Variants in CCDC7 observed in about 807,000 individuals in gnomAD.
CCDC7 encodes the protein coiled-coil domain containing 7.
Under a neutral mutation model 196.9 loss-of-function variants are expected in CCDC7, and 183 were observed. The ratio of observed to expected loss-of-function variants is 0.93; its 90% CI spans 0.82 to 1.05. CCDC7 has a LOEUF of 1.05. Ranked by LOEUF, CCDC7 falls within the 50% of genes least tolerant of loss-of-function variation. CCDC7 has a pLI of 0.00. For missense variants in CCDC7, 1,540 were observed against 1,482.2 expected, an observed-to-expected ratio of 1.04 and a Z score of -0.64; for synonymous variants, 525 against 484.6, an observed-to-expected ratio of 1.08 and a Z score of -1.10.
At chr10:32,622,040 A>C (rs1228519910) in intron 18 of CCDC7, among the ~76,000 whole-genome samples, 1 of 152,208 alleles carries the variant, frequency 6.6e-6, no homozygotes, top group Non-Finnish European at 1.5e-5. Flanking sequence ...CACAAATTCA[A>C]GTGTTCACTC....
At chr10:32,877,707 T>C (rs1054318644), downstream of CCDC7, among the ~76,000 whole-genome samples, 16 of 152,244 alleles carry the variant, frequency 1.1e-4, no homozygotes, top group Admixed American at 2.6e-4. Context: ...AGAATACTTA[T>C]TTGATTAAAT....
intron 21 of CCDC7, among the ~76,000 whole-genome samples, chr10:32,680,805 A>C (rs2075754566): frequency 6.6e-6 from 1 of 152,170 alleles, no homozygotes; most frequent in South Asian, 2.1e-4. Flanking sequence ...TACTTTTCTT[A>C]GCAGAGGTCC....
chr10:32,667,397 G>C (rs928402787), intron 21 of CCDC7, among the ~76,000 whole-genome samples: 4 of 152,062 alleles, frequency 2.6e-5, no homozygotes, highest in African/African-American at 9.7e-5. Context: ...GTCAATTTTG[G>C]CTTTTGTTGC....
In CCDC7 at chr10:32,674,484, A is replaced by T. The variant is rs118151164; in HGVS notation, c.2122+10323A>T. Among the ~76,000 whole-genome samples, 607 of 152,120 alleles carry T rather than the reference A, an allele frequency of 4.0e-3. 1 individual carries two copies. Among genetic ancestry groups the T allele is most frequent in the Non-Finnish European group, 6.7e-3 (454 of 67,946 alleles). On this transcript the variant is annotated intron_variant, in intron 21 of 41. Transcript: ENST00000639629. Reference sequence around the variant, plus strand: ...TGGTTTTAATTTTCTTAAATGTTTAAGACTTGTTTTGTGATATAGCATGTG... The same window carrying T: ...TGGTTTTAATTTTCTTAAATGTTTATGACTTGTTTTGTGATATAGCATGTG...
At chr10:32,869,814 TCGTTTCCC>T (rs2136751664) in intron 41 of CCDC7, among the ~76,000 whole-genome samples, 1 of 82,166 alleles carries the variant, frequency 1.2e-5, no homozygotes, top group Admixed American at 1.2e-4. Flanking sequence ...AAATAGGGAA[TCGTTTCCC>T]CATTTCCCAG....
chr10:32,845,275 G>A lies in CCDC7; in HGVS notation c.3385G>A (p.Gly1129Arg), dbSNP rs543326291. 24 of 1,575,178 alleles carry A rather than the reference G, an allele frequency of 1.5e-5. No individual in the cohort carries two copies. The African/African-American group carries it at 2.7e-4, about 18-fold the overall frequency. The stretch of plus-strand genomic sequence containing the variant: ...TAAGGAACACTTAGCAGATGATACT[G>A]GAAGAGGTATAATAAAGGGATCAAT... Residue 1129 changes from glycine to arginine, a missense_variant, in exon 34 of 42, where the codon GGA (glycine) becomes AGA (arginine). Gly to Arg is a moderately radical substitution (Grantham distance 125, BLOSUM62 -2). Transcript: ENST00000639629.
At chr10:32,604,706 T>C (rs1392848206) in intron 18 of CCDC7, among the ~76,000 whole-genome samples, 1 of 152,172 alleles carries the variant, frequency 6.6e-6, no homozygotes, top group Admixed American at 6.5e-5. Flanking sequence ...GATTGCTTTC[T>C]TGATTTTTTT....
intron 18 of CCDC7, among the ~76,000 whole-genome samples, chr10:32,604,847 T>C (rs913278281): frequency 1.3e-5 from 2 of 152,196 alleles, no homozygotes; most frequent in Non-Finnish European, 2.9e-5. Flanking sequence ...TATTTCTGTA[T>C]ATAAGATCAT....
At chr10:32,843,846 T>C (rs2093129074) in intron 33 of CCDC7, among the ~76,000 whole-genome samples, 1 of 151,996 alleles carries the variant, frequency 6.6e-6, no homozygotes, top group African/African-American at 2.4e-5. Flanking sequence ...TCACAAAATA[T>C]AGCTGTGTAC....
chr10:32,869,742 T>C (rs944610441), intron 41 of CCDC7, among the ~76,000 whole-genome samples: 4 of 151,886 alleles, frequency 2.6e-5, no homozygotes, highest in Non-Finnish European at 5.9e-5. Flanking sequence ...AATTTTTGTA[T>C]AAGGTGTAAG....
At chr10:32,568,257 G>A (rs1364719617) in intron 15 of CCDC7, among the ~76,000 whole-genome samples, 3 of 151,666 alleles carry the variant, frequency 2.0e-5, no homozygotes, top group Non-Finnish European at 2.9e-5. Flanking sequence ...TGCCTGCCTC[G>A]GCCTCCCAAA....
At chr10:32,544,174 T>A in intron 12 of CCDC7, 73 bp from the exon 14 acceptor site, 1 of 1,274,438 alleles carries the variant, frequency 7.8e-7, no homozygotes, top group Non-Finnish European at 1.1e-6. Flanking sequence ...GTTTAAAAAG[T>A]CCTCCTCAAG....
At chr10:32,692,946 C>T (rs2077258740) in intron 23 of CCDC7, among the ~76,000 whole-genome samples, 1 of 152,130 alleles carries the variant, frequency 6.6e-6, no homozygotes, top group Non-Finnish European at 1.5e-5. Flanking sequence ...GAGCTCTGAA[C>T]CACATGAATA....
intron 18 of CCDC7, among the ~76,000 whole-genome samples, chr10:32,591,912 G>T (rs146680293): frequency 6.6e-6 from 1 of 152,292 alleles, no homozygotes; most frequent in East Asian, 1.9e-4. Context: ...CTTTCTCACT[G>T]TGAGCGACAT....
chr10:32,879,363 T>G (rs1376257230), downstream of CCDC7, among the ~76,000 whole-genome samples: 1 of 152,154 alleles, frequency 6.6e-6, no homozygotes, highest in Non-Finnish European at 1.5e-5. Flanking sequence ...GATTATATGA[T>G]AGCAGCATCC....
At chr10:32,738,873 A>G in intron 28 of CCDC7, among the ~76,000 whole-genome samples, 1 of 152,128 alleles carries the variant, frequency 6.6e-6, no homozygotes, top group East Asian at 1.9e-4. Context: ...ATGTTTAAAA[A>G]TATTTTCTTC....
intron 18 of CCDC7, among the ~76,000 whole-genome samples, chr10:32,590,509 A>G (rs1479356837): frequency 6.6e-6 from 1 of 152,080 alleles, no homozygotes; most frequent in Non-Finnish European, 1.5e-5. Flanking sequence ...TCTACTTAAG[A>G]GTATTTTACA....
At chr10:32,718,821 G>A (rs1363597109) in intron 25 of CCDC7, among the ~76,000 whole-genome samples, 4 of 152,158 alleles carry the variant, frequency 2.6e-5, no homozygotes, top group African/African-American at 7.2e-5. Context: ...TATGAGGGAT[G>A]TAAAGGACCT....
intron 23 of CCDC7, among the ~76,000 whole-genome samples, 167 bp downstream of exon 24, chr10:32,689,330 C>T (rs183235297): frequency 1.2e-3 from 176 of 152,304 alleles, no homozygotes; most frequent in Non-Finnish European, 1.9e-3. Flanking sequence ...TGAGAGATTT[C>T]TGGCCCTTAG....
Sources: allele counts gnomAD v4.1 joint callset (sites outside exome capture counted in the v4.1 genomes callset), GRCh38; gene constraint gnomAD v4.1.1; transcripts MANE v1.5; gene names NCBI Gene and HGNC (gene_info 2026-07-23, HGNC 2026-07-21).